The following TTF2 variants were observed in gnomAD, a reference collection of about 807,000 sequenced individuals.
The protein encoded by TTF2 is RNA polymerase II termination factor.
In TTF2, 108 loss-of-function variants were observed where a neutral mutation model predicts 142.4. That is an observed-to-expected ratio of 0.76 (90% CI 0.65 to 0.89). TTF2 has a LOEUF of 0.89. Ranked by LOEUF, TTF2 falls within the 40% of genes least tolerant of loss-of-function variation. The pLI, the probability that TTF2 is intolerant of heterozygous loss-of-function variation, is 0.00. For missense variants in TTF2, 1,327 were observed against 1,379.8 expected (o/e 0.96, Z 0.61); for synonymous variants, 483 against 506.2 (o/e 0.95, Z 0.61).
At chr1:117,089,080 A>G (rs1445306772) in intron 13 of TTF2, 98 bp downstream of exon 13, 1 of 1,331,484 alleles carries the variant, frequency 7.5e-7, no homozygotes, top group Non-Finnish European at 1.0e-6. Context: ...GTGCCAGATT[A>G]TCTTGTTTAG....
chr1:117,068,836 T>C (rs1656360659), intron 3 of TTF2, among the ~76,000 whole-genome samples: 1 of 152,238 alleles, frequency 6.6e-6, no homozygotes, highest in African/African-American at 2.4e-5. Context: ...TACAGTACCA[T>C]GCACTGCACT....
intron 15 of TTF2, among the ~76,000 whole-genome samples, chr1:117,091,082 C>T (rs931463694): frequency 6.6e-6 from 1 of 152,182 alleles, no homozygotes. Flanking sequence ...TGGTACCTCT[C>T]ATTTACATTT....
chr1:117,063,158 A>G lies in TTF2; in HGVS notation c.218+685A>G, dbSNP rs1421402130. 1.3e-5 allele frequency among the ~76,000 whole-genome samples: 2 copies of G among 152,180 alleles called. No homozygotes were observed. Among genetic ancestry groups the G allele is most frequent in the Non-Finnish European group, 2.9e-5 (2 of 68,036 alleles). Reference sequence around the variant, plus strand: ...ATATTCTATGCACTTCATAATTTATATATTCTAGATCCCCCCACCCAATTA... The same window carrying G: ...ATATTCTATGCACTTCATAATTTATGTATTCTAGATCCCCCCACCCAATTA... On this transcript the variant is annotated intron_variant, in intron 3 of 22. Transcript: ENST00000369466. The surrounding 1 kb of genome is among the most constrained non-coding windows in gnomAD (Gnocchi z 4.1).
At position 117,061,234 on chromosome 1, in the gene TTF2, T is replaced by TAA. The variant is rs3835636; in HGVS notation, c.131+684_131+685dup. Reference sequence around the variant, plus strand: ...GTGAAATCCCGTCTCTACGAAAAATTAAAAAAAATTGTCTAGGCATGGTAT... The same window carrying TAA: ...GTGAAATCCCGTCTCTACGAAAAATTAAAAAAAAAATTGTCTAGGCATGGTAT... On this transcript the variant is annotated intron_variant, in intron 2 of 22. Coordinates refer to ENST00000369466, the MANE Select transcript of TTF2 (RefSeq NM_003594.4). Among the ~76,000 whole-genome samples the TAA allele has an allele frequency of 2.2e-3, 335 of 151,912 alleles. 2 individuals are homozygous for TAA. The highest frequency in any genetic ancestry group is 7.9e-3 in the African/African-American group (328 of 41,426).
Position 117,075,040 on chromosome 1 carries a change from T to C in TTF2, c.456T>C (p.Asp152=). 3.1e-6 allele frequency: 5 copies of C among 1,613,818 alleles called. No individual in the cohort carries two copies. Among genetic ancestry groups the C allele is most frequent in the Non-Finnish European group, 4.2e-6 (5 of 1,179,994 alleles). ...GTGAAGGTGAGGAAAAGAAGGCTGA[T>C]AAGAAGCAAAGAGAAAAGGGAGATC... ...IKGEGEEKKA[D]KKQREKGDQL... is the part of the protein sequence containing the mutation. Residue 152 remains aspartate, a synonymous_variant, in exon 5 of 23, where the codon GAT becomes GAC. Coordinates refer to ENST00000369466, the MANE Select transcript of TTF2 (RefSeq NM_003594.4). The surrounding 1 kb of genome is among the most constrained non-coding windows in gnomAD (Gnocchi z 4.5).
chr1:117,062,606 A>T, intron 3 of TTF2, 133 bp downstream of exon 3: 1 of 727,730 alleles, frequency 1.4e-6, no homozygotes, highest in South Asian at 2.4e-5. Context: ...ATATGTATTA[A>T]GTGTCTTTTG....
chr1:117,082,251 T>G (rs1191889151), intron 10 of TTF2, among the ~76,000 whole-genome samples: 1 of 152,210 alleles, frequency 6.6e-6, no homozygotes, highest in Non-Finnish European at 1.5e-5. Flanking sequence ...TCTCGCTCTG[T>G]TGCTCAGGCT....
rs994576598 is a variant in TTF2 at position 117,107,352 on chromosome 1, T to A, written c.*5828T>A. The A allele has an allele frequency of 6.6e-6, 1 of 152,210 alleles. No homozygotes were observed. The highest frequency in any genetic ancestry group is 1.5e-5 in the Non-Finnish European group (1 of 68,032). The allele number at this position is 152,210 out of a possible 1,614,324, so 9.4% of individuals were successfully genotyped here. A position where few individuals can be genotyped will look rare whatever the true frequency, so the allele number is the denominator to read the frequency against. On this transcript the variant is annotated 3_prime_UTR_variant, in exon 23 of 23. Coordinates refer to ENST00000369466, the MANE Select transcript of TTF2 (RefSeq NM_003594.4). ...GCTAACACATTAGCCAGAACCTAGATGTCTTCTGGAAATTTTTTATTGCAA... is the reference window on the plus strand; with the variant it reads ...GCTAACACATTAGCCAGAACCTAGAAGTCTTCTGGAAATTTTTTATTGCAA...
chr1:117,065,326 T>C (rs1655999333), intron 3 of TTF2, among the ~76,000 whole-genome samples: 1 of 152,182 alleles, frequency 6.6e-6, no homozygotes, highest in Non-Finnish European at 1.5e-5. Flanking sequence ...ACTTTAAAAA[T>C]GTCAGCTGGG....
intron 3 of TTF2, among the ~76,000 whole-genome samples, chr1:117,069,014 A>C (rs1236686911): frequency 1.3e-5 from 2 of 152,230 alleles, no homozygotes; most frequent in Admixed American, 1.3e-4. Context: ...TCTCAGCTTC[A>C]GAGTTTTATC....
chr1:117,092,019 C>A lies in TTF2; in HGVS notation c.2805+69C>A. On this transcript the variant is annotated intron_variant, in intron 17 of 22. Coordinates refer to ENST00000369466, the MANE Select transcript of TTF2 (RefSeq NM_003594.4). This position sits in a 1 kb window ranked among gnomAD's most constrained non-coding sequence, Gnocchi z 4.4. The stretch of plus-strand genomic sequence containing the variant: ...GGCCACCTGAGAAGTCAATTTCACT[C>A]TCCTCCAACTGGAATCCAGTCTGCT... 2 of 1,467,232 alleles carry A rather than the reference C, an allele frequency of 1.4e-6. No individual in the cohort carries two copies. Among genetic ancestry groups the A allele is most frequent in the Non-Finnish European group, 1.8e-6 (2 of 1,086,476 alleles). The allele number at this position is 1,467,232 out of a possible 1,614,324, so 90.9% of individuals were successfully genotyped here.
In TTF2 at chr1:117,096,234, G is replaced by A; in HGVS notation, c.3121G>A (p.Gly1041Ser). The A allele has an allele frequency of 1.9e-6, 3 of 1,613,968 alleles. No homozygotes were observed. Among genetic ancestry groups the A allele is most frequent in the Middle Eastern group, 1.6e-4 (1 of 6,062 alleles). The change falls in exon 20 of 23, where the codon GGC (glycine) becomes AGC (serine). Residue 1041 changes from glycine (G) to serine (S), a missense_variant. Coordinates refer to ENST00000369466, the MANE Select transcript of TTF2 (RefSeq NM_003594.4). ...TGGACTGACTTATGCCACCATCGAT[G>A]GCTCTGTCAATCCCAAGCAGAGAAT... ...KHGLTYATIDGSVNPKQRMDL... is the reference protein window; with the variant it reads ...KHGLTYATIDSSVNPKQRMDL...
rs1382767589 is a variant in TTF2 at position 117,085,823 on chromosome 1, TTATATG to T, written c.2055-591_2055-586del. On this transcript the variant is annotated intron_variant, in intron 11 of 22. Transcript: ENST00000369466. The surrounding 1 kb of genome is among the most constrained non-coding windows in gnomAD (Gnocchi z 4.7). ...GATTTGTGTTTCTCATTAATAATCTTTATATGTAAGGAGTATAAGCAAGATACACTG... is the reference window on the plus strand; with the variant it reads ...GATTTGTGTTTCTCATTAATAATCTTTAAGGAGTATAAGCAAGATACACTG... Among the ~76,000 whole-genome samples the T allele has an allele frequency of 6.6e-6, 1 of 152,206 alleles. No homozygotes were observed. Among genetic ancestry groups the T allele is most frequent in the African/African-American group, 2.4e-5 (1 of 41,464 alleles).
At chr1:117,082,088 T>A (rs1316844857) in intron 10 of TTF2, 141 bp downstream of exon 10, 6 of 1,226,884 alleles carry the variant, frequency 4.9e-6, no homozygotes, top group Non-Finnish European at 7.0e-6. Flanking sequence ...TACTCACCTA[T>A]CATATCATTT....
chr1:117,090,328 T>A lies in TTF2; in HGVS notation c.2496+120T>A. 1 of 1,379,746 alleles carries A rather than the reference T, an allele frequency of 7.2e-7. No individual in the cohort carries two copies. Among genetic ancestry groups the A allele is most frequent in the Non-Finnish European group, 9.9e-7 (1 of 1,007,560 alleles). 85.5% of individuals were successfully genotyped at this position (1,379,746 alleles called of 1,614,324 possible). On this transcript the variant is annotated intron_variant, in intron 14 of 22. Coordinates refer to ENST00000369466, the MANE Select transcript of TTF2 (RefSeq NM_003594.4). The surrounding 1 kb of genome is among the most constrained non-coding windows in gnomAD (Gnocchi z 4.8). ...AGCCTCTGAGTTTCCCATCCTCCTG[T>A]GAGGAGGCCCCAGGGTTGCAGTTCC...
intron 3 of TTF2, among the ~76,000 whole-genome samples, chr1:117,072,227 G>C (rs1351037264): frequency 2.0e-5 from 3 of 151,874 alleles, no homozygotes; most frequent in African/African-American, 7.3e-5. Context: ...TTTTTTGGTG[G>C]AAGAGTGTAA....
Position 117,090,174 on chromosome 1 carries a change from C to T in TTF2, c.2462C>T (p.Thr821Ile), listed in dbSNP as rs1648442431. The T allele has an allele frequency of 6.2e-7, 1 of 1,614,084 alleles. No individual in the cohort carries two copies. Among genetic ancestry groups the T allele is most frequent in the Non-Finnish European group, 8.5e-7 (1 of 1,179,992 alleles). ...ILTKSLLLRR[T>I]KDQLDSTGRP... ...ACCAAGAGCCTTTTGCTGAGGAGAA[C>T]AAAAGACCAGCTGGACTCTACTGGC... Residue 821 changes from threonine (T) to isoleucine (I), a missense_variant, in exon 14 of 23, where the codon ACA becomes ATA. Thr to Ile is a moderately conservative substitution (Grantham distance 89). Transcript: ENST00000369466. The surrounding 1 kb of genome is among the most constrained non-coding windows in gnomAD (Gnocchi z 4.8).
Position 117,080,776 on chromosome 1 carries a change from A to C in TTF2, c.1784-1052A>C, listed in dbSNP as rs1647432554. Among the ~76,000 whole-genome samples, 1 of 152,238 alleles carries C rather than the reference A, an allele frequency of 6.6e-6. No individual in the cohort carries two copies. Among genetic ancestry groups the C allele is most frequent in the Admixed American group, 6.5e-5 (1 of 15,288 alleles). On this transcript the variant is annotated intron_variant, in intron 9 of 22. Coordinates refer to ENST00000369466, the MANE Select transcript of TTF2 (RefSeq NM_003594.4). This position sits in a 1 kb window ranked among gnomAD's most constrained non-coding sequence, Gnocchi z 4.3. Reference sequence around the variant, plus strand: ...ATCAAAATCAACAAAAGGAAAAGTCACAGGGGCAGAATCCAGGGGAAACCA... The same window carrying C: ...ATCAAAATCAACAAAAGGAAAAGTCCCAGGGGCAGAATCCAGGGGAAACCA...
chr1:117,077,761 C>T (rs1657132656), intron 7 of TTF2, among the ~76,000 whole-genome samples, 155 bp from the exon 8 acceptor site: 1 of 152,116 alleles, frequency 6.6e-6, no homozygotes, highest in Admixed American at 6.5e-5. Context: ...CACTTGTTTC[C>T]CAACTGAGAA....
Sources: gnomAD v4.1 joint callset for allele counts (sites outside exome capture counted in the v4.1 genomes callset) on GRCh38, gnomAD v4.1.1 for gene constraint, Gnocchi (gnomAD v3.1) non-coding constraint, MANE v1.5 for transcripts, NCBI Gene and HGNC (gene_info 2026-07-23, HGNC 2026-07-21) for gene names.